MEAK7: variants seen among roughly 807,000 people sequenced by gnomAD.
MEAK7 encodes MTOR-associated protein MEAK7.
MEAK7 carries 68 observed loss-of-function variants against 40.5 expected under a neutral mutation model. The ratio of observed to expected loss-of-function variants is 1.68; its 90% CI spans 1.38 to 2.06. MEAK7 has a LOEUF of 2.06. MEAK7 is among the 30% of genes most tolerant of loss of function. The pLI is 0.00. For missense variants in MEAK7, 918 were observed against 580.5 expected, an observed-to-expected ratio of 1.58 and a Z score of -5.98; for synonymous variants, 338 against 231.9, an observed-to-expected ratio of 1.46 and a Z score of -4.16.
chr16:84,480,374 G>A (rs116683230), intron 7 of MEAK7, among the ~76,000 whole-genome samples, 155 bp downstream of exon 7: 1 of 152,192 alleles, frequency 6.6e-6, no homozygotes, highest in Non-Finnish European at 1.5e-5. Flanking sequence ...TTCCAGCCAT[G>A]CATCTCCTGG....
rs59988001 is a variant in MEAK7 at position 84,480,076 on chromosome 16, G to A, written c.1258-50C>T. On this transcript the variant is annotated intron_variant, in intron 7 of 7. Coordinates refer to ENST00000343629, the MANE Select transcript of MEAK7 (RefSeq NM_020947.4). ...TGTGTTCCATGATGGCCCAACAAGA[G>A]GCAGCAGCTTCCTGCTAGTTTTCCA... is the stretch of plus-strand genomic sequence containing the variant. 6,079 of 1,422,832 alleles carry A rather than the reference G, an allele frequency of 4.3e-3. 213 individuals are homozygous for A. The African/African-American group carries it at 0.074, about 17-fold the overall frequency. 88.1% of individuals were successfully genotyped at this position (1,422,832 alleles called of 1,614,324 possible).
chr16:84,489,097 C>T (rs1017856595), intron 4 of MEAK7, among the ~76,000 whole-genome samples, 181 bp downstream of exon 4: 2 of 149,068 alleles, frequency 1.3e-5, no homozygotes, highest in South Asian at 2.1e-4. Context: ...GGGGACATCC[C>T]TATTGCTTTT....
Position 84,480,574 on chromosome 16 carries a change from A to G in MEAK7, c.1212T>C (p.Asp404=). ...CTCCAACCGCCCACACCTCCATCTT[A>G]TCAAACTGGAAGTTCTCCTGAGCCG... ...QLSAQENFQF[D]KMEVWAVGDP... Residue 404 remains aspartate, a synonymous_variant, in exon 7 of 8, where the codon GAT becomes GAC. Transcript: ENST00000343629. 1 of 1,613,918 alleles carries G rather than the reference A, an allele frequency of 6.2e-7. No individual in the cohort carries two copies. Among genetic ancestry groups the G allele is most frequent in the Non-Finnish European group, 8.5e-7 (1 of 1,179,902 alleles).
At chr16:84,498,970 G>A (rs559835209) in intron 1 of MEAK7, among the ~76,000 whole-genome samples, 1 of 152,286 alleles carries the variant, frequency 6.6e-6, no homozygotes, top group East Asian at 1.9e-4. Context: ...AGCAAGAGGA[G>A]TCACAGCCCA....
At position 84,486,893 on chromosome 16, in the gene MEAK7, AG is replaced by A. The variant is rs773554190; in HGVS notation, c.695del (p.Pro232LeufsTer83). 6 of 1,614,094 alleles carry A rather than the reference AG, an allele frequency of 3.7e-6. No homozygotes were observed. Among genetic ancestry groups the A allele is most frequent in the Non-Finnish European group, 5.1e-6 (6 of 1,180,038 alleles). ...CCCTGCCCTGGTCCACTTGACGCTC[AG>A]GGACCAGGGTAGTCAGATCAAGAGA... Reference protein sequence around the residue: ...CSSLDLTTLVPERQVDQGRGF... With the variant: ...CSSLDLTTLVXERQVDQGRGF... On this transcript the variant is annotated frameshift_variant, in exon 5 of 8. Coordinates refer to ENST00000343629, the MANE Select transcript of MEAK7 (RefSeq NM_020947.4). LOFTEE classifies it high-confidence loss of function.
chr16:84,498,457 T>C (rs1406867045), intron 1 of MEAK7, among the ~76,000 whole-genome samples: 2 of 151,500 alleles, frequency 1.3e-5, no homozygotes, highest in African/African-American at 4.9e-5. Context: ...TTGTCTTCTG[T>C]AGAGATGGGG....
rs185221946 is a variant in MEAK7 at position 84,497,545 on chromosome 16, G to A, written c.153+389C>T. On this transcript the variant is annotated intron_variant, in intron 2 of 7. Transcript: ENST00000343629. ...GGCAGTCAGGAGGGACGTGGTTCAA[G>A]AGACACACGAGGCAGGCTATCTCTC... The A allele has an allele frequency of 3.9e-6, 5 of 1,293,172 alleles. No homozygotes were observed. In the East Asian group the frequency reaches 1.6e-4, roughly 43 times the overall value. The allele number at this position is 1,293,172 out of a possible 1,614,324, so 80.1% of individuals were successfully genotyped here.
rs886725837 is a variant in MEAK7 at position 84,477,935 on chromosome 16, T to C, written c.*1978A>G. The C allele has an allele frequency of 5.3e-5, 8 of 152,120 alleles. No homozygotes were observed. The highest frequency in any genetic ancestry group is 3.3e-4 in the Admixed American group (5 of 15,268). The allele number at this position is 152,120 out of a possible 1,614,324, so 9.4% of individuals were successfully genotyped here. ...GTGCATTCGTGATCTGCACTCTCCT[T>C]AGAACAAGCTCAGGGTGGAAAGCAT... On this transcript the variant is annotated 3_prime_UTR_variant, in exon 8 of 8. Transcript: ENST00000343629.
rs1338899536 is a variant in MEAK7 at position 84,476,439 on chromosome 16, CA to C, written c.*3473del. On this transcript the variant is annotated 3_prime_UTR_variant, in exon 8 of 8. Coordinates refer to ENST00000343629, the MANE Select transcript of MEAK7 (RefSeq NM_020947.4). ...CGGTATATTGAGTATAAATTGAGCTCAAGAGGTTTTTTTAATTCATCTATAT... is the reference window on the plus strand; with the variant it reads ...CGGTATATTGAGTATAAATTGAGCTCAGAGGTTTTTTTAATTCATCTATAT... 2 of 152,030 alleles carry C rather than the reference CA, an allele frequency of 1.3e-5. No homozygotes were observed. The highest frequency in any genetic ancestry group is 2.9e-5 in the Non-Finnish European group (2 of 68,014). The allele number at this position is 152,030 out of a possible 1,614,324, so 9.4% of individuals were successfully genotyped here.
In MEAK7 at chr16:84,490,777, C is replaced by A. The variant is rs551084296; in HGVS notation, c.385-1355G>T. Among the ~76,000 whole-genome samples, 5 of 151,126 alleles carry A rather than the reference C, an allele frequency of 3.3e-5. No homozygotes were observed. The South Asian group carries it at 1.1e-3, about 32-fold the overall frequency. The stretch of plus-strand genomic sequence containing the variant: ...GAAGATTTATTTCCTTCTCAATCAA[C>A]TGAATTTTTTTCTCCATTTGCTTCT... On this transcript the variant is annotated intron_variant, in intron 3 of 7. Coordinates refer to ENST00000343629, the MANE Select transcript of MEAK7 (RefSeq NM_020947.4).
intron 5 of MEAK7, among the ~76,000 whole-genome samples, chr16:84,485,677 T>G (rs71390479): frequency 2.0e-5 from 3 of 151,036 alleles, no homozygotes; most frequent in Non-Finnish European, 4.4e-5. Context: ...TATCTACCTA[T>G]CTATCTATCT....
intron 2 of MEAK7, 186 bp downstream of exon 2, chr16:84,497,748 C>G (rs1914172109): frequency 7.5e-7 from 1 of 1,328,396 alleles, no homozygotes; most frequent in African/African-American, 1.5e-5. Context: ...AGCAGAGGAG[C>G]TACAACAGAG....
intron 5 of MEAK7, among the ~76,000 whole-genome samples, chr16:84,484,334 G>T (rs963266328): frequency 3.3e-5 from 5 of 152,146 alleles, no homozygotes; most frequent in Non-Finnish European, 5.9e-5. Context: ...ATACCCAAGC[G>T]TGCGGCCACC....
At chr16:84,482,560 AG>A in intron 6 of MEAK7, 31 bp downstream of exon 6, 2 of 1,613,826 alleles carry the variant, frequency 1.2e-6, no homozygotes, top group South Asian at 1.1e-5. Context: ...GACATCACCA[AG>A]GCAAGACCAC....
At chr16:84,494,978 C>A (rs1383790566) in intron 3 of MEAK7, 3 of 367,126 alleles carry the variant, frequency 8.2e-6, no homozygotes, top group Non-Finnish European at 1.6e-5. Context: ...GGTTTAAAAT[C>A]TCCACAGCTG....
At chr16:84,498,530 C>G (rs1382034620) in intron 1 of MEAK7, among the ~76,000 whole-genome samples, 1 of 152,034 alleles carries the variant, frequency 6.6e-6, no homozygotes, top group African/African-American at 2.4e-5. Context: ...CTGCCTCAGC[C>G]TCCCAAAGTG....
chr16:84,496,560 G>C lies in MEAK7; in HGVS notation c.154-647C>G, dbSNP rs146656643. On this transcript the variant is annotated intron_variant, in intron 2 of 7. Coordinates refer to ENST00000343629, the MANE Select transcript of MEAK7 (RefSeq NM_020947.4). ...ACTGGCATAAGGACCAAGAACCCTG[G>C]TGTTCTTCCACTCATCGTGAGCCGT... 1.3e-4 allele frequency among the ~76,000 whole-genome samples: 20 copies of C among 152,206 alleles called. 1 individual carries two copies. Among genetic ancestry groups the C allele is most frequent in the African/African-American group, 4.3e-4 (18 of 41,498 alleles).
Position 84,477,579 on chromosome 16 carries a change from A to C in MEAK7, c.*2334T>G, listed in dbSNP as rs1041190556. On this transcript the variant is annotated 3_prime_UTR_variant, in exon 8 of 8. Coordinates refer to ENST00000343629, the MANE Select transcript of MEAK7 (RefSeq NM_020947.4). Reference sequence around the variant, plus strand: ...TTTATAATAGTTTGCAACGCGGACAAATTTTTTTTTTAACCCCTTCCTCCT... The same window carrying C: ...TTTATAATAGTTTGCAACGCGGACACATTTTTTTTTTAACCCCTTCCTCCT... 6.6e-6 allele frequency: 1 copy of C among 150,672 alleles called. No individual in the cohort carries two copies. Among genetic ancestry groups the C allele is most frequent in the Non-Finnish European group, 1.5e-5 (1 of 67,922 alleles). The allele number at this position is 150,672 out of a possible 1,614,324, so 9.3% of individuals were successfully genotyped here. A position where few individuals can be genotyped will look rare whatever the true frequency, so the allele number is the denominator to read the frequency against.
chr16:84,487,169 G>T, intron 4 of MEAK7, 110 bp from the exon 5 acceptor site: 1 of 1,124,940 alleles, frequency 8.9e-7, no homozygotes, highest in Non-Finnish European at 1.2e-6. Flanking sequence ...CAATTACTGA[G>T]CACAGAAAAC....
Sources: allele counts gnomAD v4.1 joint callset (sites outside exome capture counted in the v4.1 genomes callset), GRCh38; gene constraint gnomAD v4.1.1; transcripts MANE v1.5; gene names NCBI Gene and HGNC (gene_info 2026-07-23, HGNC 2026-07-21).